Variants in RALGAPA2 observed in about 807,000 individuals in gnomAD.
RALGAPA2 encodes Ral GTPase activating protein catalytic subunit alpha 2.
A neutral mutation model predicts 230.4 loss-of-function variants in RALGAPA2; 139 were observed. The ratio of observed to expected loss-of-function variants is 0.60; its 90% CI spans 0.53 to 0.69. The LOEUF (loss-of-function observed/expected upper bound fraction) is 0.69. Ranked by LOEUF, RALGAPA2 falls within the 30% of genes least tolerant of loss-of-function variation. The pLI is 0.00. For missense variants in RALGAPA2, 2,163 were observed against 2,276.0 expected (o/e 0.95, Z 1.01); for synonymous variants, 847 against 837.8 (o/e 1.01, Z -0.19).
intron 20 of RALGAPA2, among the ~76,000 whole-genome samples, chr20:20,577,926 T>TAACC (rs1288295725): frequency 6.6e-6 from 1 of 152,086 alleles, no homozygotes; most frequent in Non-Finnish European, 1.5e-5. Flanking sequence ...TTTGCTTGAG[T>TAACC]AACCACTCCA....
intron 15 of RALGAPA2, among the ~76,000 whole-genome samples, chr20:20,602,295 T>G (rs983647126): frequency 6.6e-6 from 1 of 152,230 alleles, no homozygotes; most frequent in African/African-American, 2.4e-5. Flanking sequence ...AATCCATGCC[T>G]ATAAACTCTA....
At chr20:20,424,948 AT>A (rs2060351172) in intron 37 of RALGAPA2, among the ~76,000 whole-genome samples, 1 of 152,230 alleles carries the variant, frequency 6.6e-6, no homozygotes, top group South Asian at 2.1e-4. Flanking sequence ...AGAGAAAAAA[AT>A]ATTATTAAAT....
intron 30 of RALGAPA2, among the ~76,000 whole-genome samples, 199 bp downstream of exon 30, chr20:20,524,207 C>T (rs188421913): frequency 3.3e-4 from 50 of 152,272 alleles, no homozygotes; most frequent in African/African-American, 1.1e-3. Flanking sequence ...CTGCCCGCCT[C>T]GGCCTCCCAA....
chr20:20,621,708 G>A (rs1002526464), intron 10 of RALGAPA2, among the ~76,000 whole-genome samples: 1 of 152,154 alleles, frequency 6.6e-6, no homozygotes, highest in African/African-American at 2.4e-5. Context: ...GATTTAATGT[G>A]AGAAGATTCC....
At chr20:20,670,314 C>T (rs1568731800) in intron 3 of RALGAPA2, among the ~76,000 whole-genome samples, 2 of 152,214 alleles carry the variant, frequency 1.3e-5, no homozygotes, top group African/African-American at 4.8e-5. Context: ...AGGCAGCATG[C>T]CAGTAAGTTA....
At chr20:20,490,438 G>A (rs1302624091) in intron 36 of RALGAPA2, among the ~76,000 whole-genome samples, 2 of 152,126 alleles carry the variant, frequency 1.3e-5, no homozygotes, top group Non-Finnish European at 1.5e-5. Flanking sequence ...CATTCTGGTT[G>A]TTTGGTATTT....
intron 38 of RALGAPA2, among the ~76,000 whole-genome samples, chr20:20,410,085 G>GC (rs1257972548): frequency 6.6e-6 from 1 of 152,124 alleles, no homozygotes; most frequent in Non-Finnish European, 1.5e-5. Context: ...GAGTTCCAAT[G>GC]CCCACCCTCA....
chr20:20,617,688 C>G (rs1056555738), intron 12 of RALGAPA2, among the ~76,000 whole-genome samples: 1 of 152,140 alleles, frequency 6.6e-6, no homozygotes, highest in East Asian at 1.9e-4. Context: ...TAAAAATAAA[C>G]CAAATTAGTA....
chr20:20,707,969 T>C (rs2069674637), intron 1 of RALGAPA2, among the ~76,000 whole-genome samples: 1 of 152,154 alleles, frequency 6.6e-6, no homozygotes, highest in Non-Finnish European at 1.5e-5. Flanking sequence ...TCCCAGATTC[T>C]AACCTTGCTA....
Position 20,651,782 on chromosome 20 carries a change from C to T in RALGAPA2, c.328+1748G>A, listed in dbSNP as rs115174939. 3.9e-3 allele frequency among the ~76,000 whole-genome samples: 592 copies of T among 152,226 alleles called. 2 individuals are homozygous for T. The highest frequency in any genetic ancestry group is 0.014 in the African/African-American group (568 of 41,544). ...AAAGAAAATTAGCATAGTTTTCATACAAATGATATAAACAAAATTGAAGAA... is the reference window on the plus strand; with the variant it reads ...AAAGAAAATTAGCATAGTTTTCATATAAATGATATAAACAAAATTGAAGAA... On this transcript the variant is annotated intron_variant, in intron 4 of 39. Transcript: ENST00000202677.
chr20:20,568,058 C>T (rs1305796436), intron 23 of RALGAPA2, among the ~76,000 whole-genome samples: 1 of 152,032 alleles, frequency 6.6e-6, no homozygotes, highest in Non-Finnish European at 1.5e-5. Flanking sequence ...CACCCTCAGA[C>T]ACAAAGCAGC....
intron 3 of RALGAPA2, among the ~76,000 whole-genome samples, chr20:20,669,846 G>A (rs1428217779): frequency 6.6e-6 from 1 of 152,090 alleles, no homozygotes; most frequent in Non-Finnish European, 1.5e-5. Flanking sequence ...ACGAATCTCA[G>A]GTACCATTAA....
intron 2 of RALGAPA2, among the ~76,000 whole-genome samples, chr20:20,680,002 T>G (rs1355435957): frequency 6.6e-6 from 1 of 152,214 alleles, no homozygotes; most frequent in Non-Finnish European, 1.5e-5. Context: ...TTACTGACCA[T>G]GGACTATGTG....
In RALGAPA2 at chr20:20,476,144, A is replaced by G. The variant is rs967319872; in HGVS notation, c.5368-3188T>C. 1.2e-4 allele frequency among the ~76,000 whole-genome samples: 19 copies of G among 152,186 alleles called. 1 individual carries two copies. The highest frequency in any genetic ancestry group is 4.3e-4 in the African/African-American group (18 of 41,458). On this transcript the variant is annotated intron_variant, in intron 36 of 39. Coordinates refer to ENST00000202677, the MANE Select transcript of RALGAPA2 (RefSeq NM_020343.4). ...AAGTTTCAATATTGTTAAGATGTCA[A>G]TTCTGCTAACATTAAGCTATAGATT...
At chr20:20,564,084 T>C (rs936754331) in intron 23 of RALGAPA2, among the ~76,000 whole-genome samples, 2 of 152,246 alleles carry the variant, frequency 1.3e-5, no homozygotes, top group African/African-American at 4.8e-5. Context: ...CTTGTGGTCA[T>C]GTGGAGTATC....
At position 20,677,628 on chromosome 20, in the gene RALGAPA2, C is replaced by CTTTTTTTTTTTTTTTTTTT. The variant is rs1568741580; in HGVS notation, c.218-1341_218-1340insAAAAAAAAAAAAAAAAAAA. 2.5e-5 allele frequency among the ~76,000 whole-genome samples: 3 copies of CTTTTTTTTTTTTTTTTTTT among 121,840 alleles called. 1 individual carries two copies. 79.9% of individuals were successfully genotyped at this position (121,840 alleles called of 152,430 possible). ...AGCAGCCAAGAATCATGATTTGACC[C>CTTTTTTTTTTTTTTTTTTT]ATTTTTTTTTTTTTTTTTTTTTTTT... On this transcript the variant is annotated intron_variant, in intron 2 of 39. Coordinates refer to ENST00000202677, the MANE Select transcript of RALGAPA2 (RefSeq NM_020343.4).
chr20:20,558,585 A>C (rs1036009533), intron 23 of RALGAPA2, among the ~76,000 whole-genome samples: 7 of 152,084 alleles, frequency 4.6e-5, no homozygotes, highest in African/African-American at 1.7e-4. Flanking sequence ...TCTTCTTCGG[A>C]AATTACTGGG....
At chr20:20,525,095 C>T (rs955481430) in intron 28 of RALGAPA2, among the ~76,000 whole-genome samples, 197 bp from the exon 29 acceptor site, 1 of 152,130 alleles carries the variant, frequency 6.6e-6, no homozygotes, top group African/African-American at 2.4e-5. Flanking sequence ...CATCCAGTTT[C>T]CACTCTACTT....
chr20:20,538,759 C>A (rs186529304), intron 24 of RALGAPA2, among the ~76,000 whole-genome samples: 4 of 152,044 alleles, frequency 2.6e-5, no homozygotes, highest in African/African-American at 9.7e-5. Context: ...TGAATGCATG[C>A]GTCTTTGTGG....
Sources: allele counts gnomAD v4.1 joint callset (sites outside exome capture counted in the v4.1 genomes callset), GRCh38; gene constraint gnomAD v4.1.1; transcripts MANE v1.5; gene names NCBI Gene and HGNC (gene_info 2026-07-23, HGNC 2026-07-21).